The following SSBP2 variants were observed in gnomAD, a reference collection of about 807,000 sequenced individuals.
The protein encoded by SSBP2 is single-stranded DNA-binding protein 2.
A neutral mutation model predicts 61.8 loss-of-function variants in SSBP2; 17 were observed. The ratio of observed to expected loss-of-function variants is 0.28; its 90% CI spans 0.19 to 0.41. The LOEUF (loss-of-function observed/expected upper bound fraction) is 0.41, where lower values mean the gene tolerates loss of function less well. Ranked by LOEUF, SSBP2 falls within the 10% of genes least tolerant of loss-of-function variation. The pLI is 1.00. For synonymous variants in SSBP2, 139 were observed against 141.3 expected (o/e 0.98, Z 0.12); for missense variants, 310 against 458.7 (o/e 0.68, Z 2.96).
intron 1 of SSBP2, among the ~76,000 whole-genome samples, chr5:81,670,935 A>G (rs985890276): frequency 2.0e-5 from 3 of 152,218 alleles, no homozygotes; most frequent in Non-Finnish European, 4.4e-5. Flanking sequence ...AATATTCACC[A>G]TTAAGTGATG....
rs1400559340 is a variant in SSBP2 at position 81,697,205 on chromosome 5, G to A, written c.63-46866C>T. 3.9e-5 allele frequency among the ~76,000 whole-genome samples: 6 copies of A among 152,274 alleles called. No individual in the cohort carries two copies. In the East Asian group the frequency reaches 1.2e-3, roughly 29 times the overall value. ...TTGAAATGTTACATCATCTTTCACT[G>A]GTTTCACTATAAGATAACTTAAAGT... On this transcript the variant is annotated intron_variant, in intron 1 of 16. Coordinates refer to ENST00000320672, the MANE Select transcript of SSBP2 (RefSeq NM_012446.5).
intron 3 of SSBP2, among the ~76,000 whole-genome samples, chr5:81,623,331 CTTTT>C (rs35687529): frequency 9.0e-6 from 1 of 110,592 alleles, no homozygotes; most frequent in African/African-American, 3.2e-5. Flanking sequence ...CATTGTAGTA[CTTTT>C]TTTTTTTTTT....
chr5:81,675,352 G>A (rs1751881725), intron 1 of SSBP2, among the ~76,000 whole-genome samples: 1 of 152,168 alleles, frequency 6.6e-6, no homozygotes, highest in Non-Finnish European at 1.5e-5. Context: ...GTAGATTGAA[G>A]TGGGAAGACT....
chr5:81,698,134 A>G (rs1753714991), intron 1 of SSBP2, among the ~76,000 whole-genome samples: 1 of 152,226 alleles, frequency 6.6e-6, no homozygotes, highest in Non-Finnish European at 1.5e-5. Flanking sequence ...TACAAAGAAA[A>G]TACACTGAAA....
chr5:81,500,346 T>TG (rs1767610511), intron 5 of SSBP2, among the ~76,000 whole-genome samples: 1 of 152,104 alleles, frequency 6.6e-6, no homozygotes, highest in African/African-American at 2.4e-5. Context: ...CCCAAGTAGC[T>TG]GGGACTACAG....
At chr5:81,499,985 C>A (rs1167837793) in intron 5 of SSBP2, among the ~76,000 whole-genome samples, 1 of 152,146 alleles carries the variant, frequency 6.6e-6, no homozygotes. Flanking sequence ...AAGTGGTAGT[C>A]CTTTCAAATT....
At chr5:81,679,011 A>T (rs1012051603) in intron 1 of SSBP2, among the ~76,000 whole-genome samples, 7 of 152,042 alleles carry the variant, frequency 4.6e-5, no homozygotes, top group Non-Finnish European at 8.8e-5. Flanking sequence ...AAAATTTTTT[A>T]TTTATTTATT....
intron 1 of SSBP2, among the ~76,000 whole-genome samples, chr5:81,667,207 T>C (rs1201103697): frequency 6.6e-6 from 1 of 151,818 alleles, no homozygotes. Flanking sequence ...CAACAGTCTC[T>C]TGAGTTGAGA....
rs762413594 is a variant in SSBP2, at chr5:81,594,119, C to T, written c.282+21354G>A. 4.2e-3 allele frequency among the ~76,000 whole-genome samples: 641 copies of T among 152,228 alleles called. 5 individuals carry two copies. Among genetic ancestry groups the T allele is most frequent in the Non-Finnish European group, 6.6e-3 (446 of 68,014 alleles). On this transcript the variant is annotated intron_variant, in intron 4 of 16. Transcript: ENST00000320672. ...CCCATCTCACGTGAAGAGACACACA[C>T]TGGCTCAAAATAAAGGGATAGAAGA...
At chr5:81,710,857 A>G in intron 1 of SSBP2, 1 of 247,144 alleles carries the variant, frequency 4.0e-6, no homozygotes, top group Non-Finnish European at 8.3e-6. Context: ...GGGAGCACGA[A>G]TAAAAAGAAA....
chr5:81,552,609 G>A (rs1346345024), intron 4 of SSBP2, among the ~76,000 whole-genome samples: 1 of 148,646 alleles, frequency 6.7e-6, no homozygotes, highest in Non-Finnish European at 1.5e-5. Flanking sequence ...CTGCACTCCA[G>A]CCTGGGCAAC....
intron 4 of SSBP2, among the ~76,000 whole-genome samples, chr5:81,608,836 C>T (rs1346247012): frequency 6.6e-6 from 1 of 151,814 alleles, no homozygotes; most frequent in Non-Finnish European, 1.5e-5. Flanking sequence ...ATGATGAAGA[C>T]GTTACCTAAG....
At chr5:81,504,403 A>G (rs1768023416) in intron 5 of SSBP2, among the ~76,000 whole-genome samples, 1 of 152,132 alleles carries the variant, frequency 6.6e-6, no homozygotes, top group Non-Finnish European at 1.5e-5. Flanking sequence ...TCTGTTATCT[A>G]TGACTTCCTA....
At chr5:81,548,782 TGTG>T (rs907544127) in intron 4 of SSBP2, among the ~76,000 whole-genome samples, 36 of 152,088 alleles carry the variant, frequency 2.4e-4, no homozygotes, top group African/African-American at 8.2e-4. Flanking sequence ...ATTAGCCAGG[TGTG>T]GTGGTGGGCA....
chr5:81,505,632 G>A (rs768523936), intron 5 of SSBP2, among the ~76,000 whole-genome samples: 8 of 151,880 alleles, frequency 5.3e-5, no homozygotes, highest in African/African-American at 1.7e-4. Flanking sequence ...TACAGCACTC[G>A]GAAGAATTTT....
chr5:81,663,872 C>T (rs971484859), intron 1 of SSBP2, among the ~76,000 whole-genome samples: 1 of 152,058 alleles, frequency 6.6e-6, no homozygotes, highest in East Asian at 1.9e-4. Context: ...TAGCATTTTG[C>T]CATTTTCTAA....
intron 1 of SSBP2, among the ~76,000 whole-genome samples, chr5:81,726,435 T>C (rs1374871015): frequency 2.0e-5 from 3 of 151,942 alleles, no homozygotes; most frequent in African/African-American, 7.3e-5. Context: ...TATTCCAAGC[T>C]CACAAACCGG....
rs978081159 is a variant in SSBP2 at position 81,489,318 on chromosome 5, G to A, written c.373-9C>T. ...CGAGGTGACATAAAAGGCTATTGAA[G>A]TAAAACAAATAAACAAACAAAACAA... is the stretch of plus-strand genomic sequence containing the variant. On this transcript the variant is annotated splice_polypyrimidine_tract_variant and intron_variant, in intron 5 of 16. Transcript: ENST00000320672. The A allele has an allele frequency of 1.3e-5, 20 of 1,596,510 alleles. No homozygotes were observed. The highest frequency in any genetic ancestry group is 2.7e-5 in the African/African-American group (2 of 73,550).
intron 4 of SSBP2, among the ~76,000 whole-genome samples, chr5:81,544,143 G>A (rs1298869486): frequency 2.0e-5 from 3 of 152,048 alleles, no homozygotes; most frequent in East Asian, 1.9e-4. Context: ...TCCGCCTCCC[G>A]GGTTCACGAC....
Sources: gnomAD v4.1 joint callset for allele counts (sites outside exome capture counted in the v4.1 genomes callset) on GRCh38, gnomAD v4.1.1 for gene constraint, MANE v1.5 for transcripts, NCBI Gene and HGNC (gene_info 2026-07-23, HGNC 2026-07-21) for gene names.